ANGPT1: variants seen among roughly 807,000 people sequenced by gnomAD.
ANGPT1 encodes angiopoietin 1.
A neutral mutation model predicts 62.2 loss-of-function variants in ANGPT1; 17 were observed. The ratio of observed to expected loss-of-function variants is 0.27; its 90% CI spans 0.19 to 0.41. ANGPT1 has a LOEUF of 0.41. Ranked by LOEUF, ANGPT1 falls within the 10% of genes least tolerant of loss-of-function variation. The pLI, the probability that ANGPT1 is intolerant of heterozygous loss-of-function variation, is 1.00. For synonymous variants in ANGPT1, 199 were observed against 198.9 expected, an observed-to-expected ratio of 1.00 and a Z score of 0.00; for missense variants, 478 against 594.9, an observed-to-expected ratio of 0.80 and a Z score of 2.04.
intron 1 of ANGPT1, among the ~76,000 whole-genome samples, chr8:107,463,422 A>C (rs577554127): frequency 1.3e-5 from 2 of 152,138 alleles, no homozygotes; most frequent in African/African-American, 4.8e-5. Flanking sequence ...GTTATAAGCT[A>C]CTAAATTCTG....
chr8:107,346,700 AT>A (rs1563579384), intron 2 of ANGPT1, among the ~76,000 whole-genome samples: 5 of 152,180 alleles, frequency 3.3e-5, no homozygotes, highest in African/African-American at 1.2e-4. Flanking sequence ...GAATTTAAAC[AT>A]TGATGAGGTC....
chr8:107,392,899 T>C (rs1816862460), intron 1 of ANGPT1, among the ~76,000 whole-genome samples: 1 of 152,196 alleles, frequency 6.6e-6, no homozygotes, highest in South Asian at 2.1e-4. Context: ...GAAGTTCCCA[T>C]ATGTGTGCGG....
intron 7 of ANGPT1, among the ~76,000 whole-genome samples, chr8:107,280,995 A>G (rs1813990989): frequency 6.6e-6 from 1 of 152,170 alleles, no homozygotes; most frequent in Non-Finnish European, 1.5e-5. Context: ...ATGTTAGTTC[A>G]TATGCTATGC....
chr8:107,329,199 T>A (rs1252456076), intron 3 of ANGPT1, among the ~76,000 whole-genome samples: 1 of 152,074 alleles, frequency 6.6e-6, no homozygotes, highest in African/African-American at 2.4e-5. Flanking sequence ...TATACACATA[T>A]GTTAGTATGT....
intron 3 of ANGPT1, among the ~76,000 whole-genome samples, chr8:107,333,992 G>A (rs375873211): frequency 0.18 from 4,904 of 26,972 alleles, 265 homozygotes; most frequent in African/African-American, 0.32. Context: ...GAGGGAGGGA[G>A]GGAGGGAAGG....
intron 1 of ANGPT1, among the ~76,000 whole-genome samples, chr8:107,483,641 C>T (rs959860650): frequency 2.6e-5 from 4 of 152,072 alleles, no homozygotes; most frequent in African/African-American, 9.7e-5. Context: ...CAGAATATTA[C>T]AAATAGTACC....
At chr8:107,421,852 AC>A (rs1309693584) in intron 1 of ANGPT1, among the ~76,000 whole-genome samples, 1 of 152,192 alleles carries the variant, frequency 6.6e-6, no homozygotes, top group Non-Finnish European at 1.5e-5. Context: ...GAGTTTTCTA[AC>A]ATTGTCCATA....
intron 1 of ANGPT1, among the ~76,000 whole-genome samples, chr8:107,437,819 T>TAAGAAA (rs1164561695): frequency 6.7e-6 from 1 of 150,156 alleles, no homozygotes; most frequent in Non-Finnish European, 1.5e-5. Context: ...ACTAAAAAAA[T>TAAGAAA]AAGAAAAAGA....
At chr8:107,293,799 T>A (rs1050285773) in intron 6 of ANGPT1, 137 bp downstream of exon 6, 23 of 620,220 alleles carry the variant, frequency 3.7e-5, no homozygotes, top group Admixed American at 3.4e-5. Flanking sequence ...TTGTGTCTAA[T>A]GAAAATAATA....
chr8:107,281,596 G>T (rs1814005517), intron 7 of ANGPT1, among the ~76,000 whole-genome samples: 2 of 152,018 alleles, frequency 1.3e-5, no homozygotes, highest in Non-Finnish European at 2.9e-5. Flanking sequence ...GGCTAACACG[G>T]TGAAACTCCG....
intron 8 of ANGPT1, among the ~76,000 whole-genome samples, chr8:107,260,283 G>A (rs1479249801): frequency 1.3e-4 from 19 of 151,914 alleles, no homozygotes; most frequent in Non-Finnish European, 2.9e-5. Context: ...GATAGTTAGT[G>A]GGCAATAAAT....
rs192365571 is a variant in ANGPT1 at position 107,279,237 on chromosome 8, T to C, written c.1205+5445A>G. Among the ~76,000 whole-genome samples the C allele has an allele frequency of 2.8e-4, 43 of 152,278 alleles. No individual in the cohort carries two copies. The East Asian group carries it at 6.9e-3, about 25-fold the overall frequency. ...AATTTTTTATCAAAGAATTGAAAGGTAATAAAAATAGTGATGCACAGGTAA... is the reference window on the plus strand; with the variant it reads ...AATTTTTTATCAAAGAATTGAAAGGCAATAAAAATAGTGATGCACAGGTAA... On this transcript the variant is annotated intron_variant, in intron 7 of 8. Transcript: ENST00000517746.
intron 1 of ANGPT1, among the ~76,000 whole-genome samples, chr8:107,486,874 C>T (rs1364475275): frequency 6.6e-6 from 1 of 152,158 alleles, no homozygotes; most frequent in Non-Finnish European, 1.5e-5. Flanking sequence ...GGCTTCTCAA[C>T]AACAGGGGTT....
chr8:107,294,094 T>A, intron 5 of ANGPT1, 57 bp from the exon 6 acceptor site: 1 of 1,386,650 alleles, frequency 7.2e-7, no homozygotes, highest in Non-Finnish European at 1.0e-6. Context: ...AAAACATATA[T>A]CCTACATGTT....
intron 1 of ANGPT1, among the ~76,000 whole-genome samples, chr8:107,491,382 A>G (rs1317061557): frequency 2.6e-5 from 4 of 152,238 alleles, no homozygotes; most frequent in Admixed American, 6.5e-5. Context: ...AGAATAAATA[A>G]TCTGACAGAC....
At chr8:107,411,538 C>T (rs556186700) in intron 1 of ANGPT1, among the ~76,000 whole-genome samples, 1 of 152,142 alleles carries the variant, frequency 6.6e-6, no homozygotes, top group Admixed American at 6.6e-5. Context: ...AATTTGAATG[C>T]AGATATGCAG....
chr8:107,479,981 A>G (rs2130517832), intron 1 of ANGPT1, among the ~76,000 whole-genome samples: 1 of 152,328 alleles, frequency 6.6e-6, no homozygotes, highest in African/African-American at 2.4e-5. Flanking sequence ...TTGAGAATAG[A>G]CAGAGGCAAT....
intron 5 of ANGPT1, among the ~76,000 whole-genome samples, chr8:107,300,387 C>T (rs1431106823): frequency 2.6e-5 from 4 of 151,412 alleles, no homozygotes; most frequent in African/African-American, 9.7e-5. Flanking sequence ...AAATACCCAT[C>T]TTTATTATAG....
At chr8:107,273,926 TAAA>T (rs76777380) in intron 7 of ANGPT1, among the ~76,000 whole-genome samples, 5 of 129,270 alleles carry the variant, frequency 3.9e-5, no homozygotes, top group Non-Finnish European at 3.4e-5. Context: ...GCTTCATCAT[TAAA>T]AAAAAAAAAA....
Sources: gnomAD v4.1 joint callset for allele counts (sites outside exome capture counted in the v4.1 genomes callset) on GRCh38, gnomAD v4.1.1 for gene constraint, MANE v1.5 for transcripts, NCBI Gene and HGNC (gene_info 2026-07-23, HGNC 2026-07-21) for gene names.